The following ARMH3 variants were observed in gnomAD, a reference collection of about 807,000 sequenced individuals.
The protein encoded by ARMH3 is armadillo like helical domain containing 3, also known as armadillo-like helical domain-containing protein 3.
A neutral mutation model predicts 99.1 loss-of-function variants in ARMH3; 60 were observed. The ratio of observed to expected loss-of-function variants is 0.61; its 90% CI spans 0.49 to 0.75. ARMH3 has a LOEUF of 0.75. Ranked by LOEUF, ARMH3 falls within the 30% of genes least tolerant of loss-of-function variation. The pLI is 0.00. For missense variants in ARMH3, 679 were observed against 843.1 expected (o/e 0.81, Z 2.41); for synonymous variants, 285 against 292.8 (o/e 0.97, Z 0.27).
At chr10:102,013,855 C>A in intron 9 of ARMH3, 113 bp downstream of exon 9, 1 of 860,956 alleles carries the variant, frequency 1.2e-6, no homozygotes, top group Non-Finnish European at 1.8e-6. Flanking sequence ...TCTCTATAAC[C>A]GGATGAAATT....
At chr10:101,889,781 A>C (rs1564724535) in intron 23 of ARMH3, 1 of 336,054 alleles carries the variant, frequency 3.0e-6, no homozygotes, top group Non-Finnish European at 5.7e-6. Flanking sequence ...CCTTCAGATG[A>C]GAAAGGGAAC....
At chr10:101,896,853 G>A (rs1379869251) in intron 23 of ARMH3, among the ~76,000 whole-genome samples, 1 of 152,210 alleles carries the variant, frequency 6.6e-6, no homozygotes, top group Non-Finnish European at 1.5e-5. Flanking sequence ...GAGATGACGA[G>A]TGAGACTGGT....
At chr10:101,854,184 G>A (rs531636542) in intron 24 of ARMH3, among the ~76,000 whole-genome samples, 2 of 152,202 alleles carry the variant, frequency 1.3e-5, no homozygotes, top group South Asian at 4.2e-4. Flanking sequence ...AATTCACCTA[G>A]CCTCTTGTTA....
intron 1 of ARMH3, among the ~76,000 whole-genome samples, chr10:102,055,752 A>G (rs2067831906): frequency 6.6e-6 from 1 of 152,190 alleles, no homozygotes; most frequent in East Asian, 1.9e-4. Flanking sequence ...CTCTCGGGGC[A>G]GCTGGCGGGG....
intron 23 of ARMH3, among the ~76,000 whole-genome samples, chr10:101,911,395 T>C (rs776818955): frequency 8.6e-5 from 13 of 152,004 alleles, no homozygotes; most frequent in Non-Finnish European, 1.8e-4. Context: ...TCCTGCGACA[T>C]CTTGTGCCAG....
At chr10:102,034,380 T>C (rs2136215398) in intron 2 of ARMH3, among the ~76,000 whole-genome samples, 1 of 152,234 alleles carries the variant, frequency 6.6e-6, no homozygotes, top group African/African-American at 2.4e-5. Context: ...CCCATGCCTG[T>C]AATCCTAGCA....
chr10:101,908,064 T>C (rs1842711370), intron 23 of ARMH3, among the ~76,000 whole-genome samples: 1 of 152,072 alleles, frequency 6.6e-6, no homozygotes, highest in Non-Finnish European at 1.5e-5. Context: ...ATCTGAAACA[T>C]GGCCAGTGCA....
At chr10:102,052,107 C>T (rs891291615) in intron 1 of ARMH3, among the ~76,000 whole-genome samples, 2 of 152,228 alleles carry the variant, frequency 1.3e-5, no homozygotes, top group African/African-American at 4.8e-5. Context: ...ATTCAAACGG[C>T]ACACTGTCAC....
intron 22 of ARMH3, among the ~76,000 whole-genome samples, chr10:101,954,504 C>A (rs977943457): frequency 2.6e-5 from 4 of 152,128 alleles, no homozygotes; most frequent in African/African-American, 4.8e-5. Flanking sequence ...GAAAACAGAT[C>A]AGTGGTTGCT....
At chr10:102,053,882 TCTC>T (rs1246656567) in intron 1 of ARMH3, among the ~76,000 whole-genome samples, 1 of 152,002 alleles carries the variant, frequency 6.6e-6, no homozygotes, top group Non-Finnish European at 1.5e-5. Flanking sequence ...ATGGTCTTGA[TCTC>T]CTGACCTTGT....
intron 24 of ARMH3, among the ~76,000 whole-genome samples, chr10:101,867,796 C>T (rs550556445): frequency 9.9e-5 from 15 of 151,648 alleles, no homozygotes; most frequent in South Asian, 2.1e-4. Context: ...CACGTGAATG[C>T]GCCCCAGCTT....
At chr10:101,890,845 G>A (rs776285746) in intron 23 of ARMH3, among the ~76,000 whole-genome samples, 3 of 151,850 alleles carry the variant, frequency 2.0e-5, no homozygotes, top group African/African-American at 4.8e-5. Flanking sequence ...ATCAGACAGG[G>A]GACATTCTAC....
intron 22 of ARMH3, among the ~76,000 whole-genome samples, chr10:101,948,871 C>T (rs1365102528): frequency 6.6e-6 from 1 of 151,896 alleles, no homozygotes; most frequent in Non-Finnish European, 1.5e-5. Context: ...AATTTTGAAG[C>T]ATTGAAATAA....
intron 23 of ARMH3, among the ~76,000 whole-genome samples, chr10:101,923,383 TG>T (rs1307955603): frequency 1.3e-5 from 2 of 152,248 alleles, no homozygotes; most frequent in East Asian, 3.8e-4. Context: ...TGTCATTAAT[TG>T]CCTGCTTAAA....
chr10:102,055,610 G>C (rs986215449), intron 1 of ARMH3, among the ~76,000 whole-genome samples: 4 of 152,232 alleles, frequency 2.6e-5, no homozygotes, highest in Non-Finnish European at 4.4e-5. Context: ...AGAGCCTGGA[G>C]AGGGACAGGA....
At chr10:101,946,135 GA>G (rs879425442) in intron 22 of ARMH3, among the ~76,000 whole-genome samples, 2 of 82,586 alleles carry the variant, frequency 2.4e-5, no homozygotes, top group Admixed American at 1.3e-4. Context: ...TACTCATAAA[GA>G]ACCAGAATAT....
At chr10:102,009,528 G>T in intron 12 of ARMH3, 79 bp from the exon 13 acceptor site, 1 of 1,205,480 alleles carries the variant, frequency 8.3e-7, no homozygotes, top group Non-Finnish European at 1.2e-6. Context: ...GATAAGATTG[G>T]ATTGCACCCC....
At chr10:101,924,606 C>T (rs1218148140) in intron 23 of ARMH3, among the ~76,000 whole-genome samples, 3 of 151,826 alleles carry the variant, frequency 2.0e-5, no homozygotes, top group African/African-American at 2.4e-5. Flanking sequence ...CTGCCCACCT[C>T]GGCCTCCCAA....
intron 24 of ARMH3, among the ~76,000 whole-genome samples, chr10:101,868,965 G>C (rs529760282): frequency 3.0e-4 from 45 of 152,010 alleles, no homozygotes; most frequent in African/African-American, 1.1e-3. Flanking sequence ...CCAGCTGCTT[G>C]GGAGGCTGAG....
Sources: allele counts gnomAD v4.1 joint callset (sites outside exome capture counted in the v4.1 genomes callset), GRCh38; gene constraint gnomAD v4.1.1; transcripts MANE v1.5; gene names NCBI Gene and HGNC (gene_info 2026-07-23, HGNC 2026-07-21).